PRPF6: variants seen among roughly 807,000 people sequenced by gnomAD.
PRPF6 encodes pre-mRNA-processing factor 6.
Under a neutral mutation model 118.3 loss-of-function variants are expected in PRPF6, and 42 were observed. That is an observed-to-expected ratio of 0.35 (90% CI 0.28 to 0.46). PRPF6 has a LOEUF of 0.46. PRPF6 is among the 20% of genes least tolerant of loss of function. PRPF6 has a pLI of 1.00. For missense variants in PRPF6, 662 were observed against 1,255.7 expected (o/e 0.53, Z 7.15); for synonymous variants, 481 against 485.1 (o/e 0.99, Z 0.11).
intron 5 of PRPF6, 33 bp from the exon 6 acceptor site, chr20:63,995,293 GT>G (rs1361822042): frequency 9.4e-6 from 15 of 1,591,760 alleles, no homozygotes; most frequent in Non-Finnish European, 1.3e-5. Flanking sequence ...GCAAACCGTT[GT>G]TTTATTCTTG....
At chr20:64,013,056 T>C (rs816913) in intron 11 of PRPF6, among the ~76,000 whole-genome samples, 37,591 of 150,804 alleles carry the variant, frequency 0.25, 5,761 homozygotes, top group African/African-American at 0.43. Flanking sequence ...CCTCCACCTC[T>C]TGGGTTCAAG....
At chr20:63,981,647 C>G (rs996334100) in intron 1 of PRPF6, among the ~76,000 whole-genome samples, 3 of 140,116 alleles carry the variant, frequency 2.1e-5, no homozygotes, top group Non-Finnish European at 3.2e-5. Flanking sequence ...TGACACTCCC[C>G]CCCCCCGCCC....
intron 12 of PRPF6, among the ~76,000 whole-genome samples, chr20:64,018,068 C>A (rs532475631): frequency 3.0e-4 from 46 of 152,166 alleles, no homozygotes; most frequent in Non-Finnish European, 3.8e-4. Flanking sequence ...TGGTGGTGCA[C>A]GCTTGTAGTC....
Position 64,001,176 on chromosome 20 carries a change from A to T in PRPF6, c.1123A>T (p.Ile375Phe). 6.2e-7 allele frequency: 1 copy of T among 1,614,168 alleles called. No individual in the cohort carries two copies. Among genetic ancestry groups the T allele is most frequent in the Non-Finnish European group, 8.5e-7 (1 of 1,180,016 alleles). ...CCGTCATCTCCCACAGTCTGTCAGG[A>T]TTTACATCAGAGCCGCAGAGCTGGA... ...AVRHLPQSVR[I>F]YIRAAELETD... Residue 375 changes from isoleucine to phenylalanine, a missense_variant, in exon 9 of 21, where the codon ATT becomes TTT. Around this residue, in one of 10 missense-constraint regions of PRPF6, gnomAD observed 189 missense variants for 323.5 expected, o/e 0.58. Coordinates refer to ENST00000266079, the MANE Select transcript of PRPF6 (RefSeq NM_012469.4).
chr20:63,992,175 T>A (rs1333247685), intron 3 of PRPF6, among the ~76,000 whole-genome samples: 1 of 152,184 alleles, frequency 6.6e-6, no homozygotes, highest in East Asian at 1.9e-4. Context: ...AACCTCCACT[T>A]CCTGGATTCA....
In PRPF6 at chr20:64,027,371, CAG is replaced by C. The variant is rs1216456469; in HGVS notation, c.2205+216_2205+217del. Among the ~76,000 whole-genome samples, 5 of 152,194 alleles carry C rather than the reference CAG, an allele frequency of 3.3e-5. No individual in the cohort carries two copies. The highest frequency in any genetic ancestry group is 5.9e-5 in the Non-Finnish European group (4 of 68,034). ...AAGCTGCACACACTGCTCAGAAGTG[CAG>C]AGTGTGGCACACCTGCAGTAAAGGC... On this transcript the variant is annotated intron_variant, in intron 16 of 20. Coordinates refer to ENST00000266079, the MANE Select transcript of PRPF6 (RefSeq NM_012469.4). The surrounding 1 kb of genome is among the most constrained non-coding windows in gnomAD (Gnocchi z 6.5).
chr20:63,983,652 C>CTT (rs746804694), intron 2 of PRPF6, among the ~76,000 whole-genome samples: 11 of 111,108 alleles, frequency 9.9e-5, no homozygotes, highest in South Asian at 3.1e-4. Flanking sequence ...ATTGGCCAGT[C>CTT]TTTTTTTTTT....
chr20:63,989,950 CT>C (rs1400711201), intron 3 of PRPF6, among the ~76,000 whole-genome samples: 5 of 150,934 alleles, frequency 3.3e-5, no homozygotes, highest in African/African-American at 1.2e-4. Context: ...GTCTCCCAGG[CT>C]CAAGTGATTC....
At position 63,987,714 on chromosome 20, in the gene PRPF6, T is replaced by C. The variant is rs1333327995; in HGVS notation, c.359+2689T>C. Reference sequence around the variant, plus strand: ...CTTATATTTAGAAAACCCTAAAGACTCTACCAAAACACTATTGGAACTGAC... The same window carrying C: ...CTTATATTTAGAAAACCCTAAAGACCCTACCAAAACACTATTGGAACTGAC... On this transcript the variant is annotated intron_variant, in intron 3 of 20. Coordinates refer to ENST00000266079, the MANE Select transcript of PRPF6 (RefSeq NM_012469.4). 2.0e-5 allele frequency among the ~76,000 whole-genome samples: 3 copies of C among 152,300 alleles called. No individual in the cohort carries two copies. In the East Asian group the frequency reaches 5.8e-4, roughly 29 times the overall value.
chr20:63,998,141 C>T (rs764439675), intron 6 of PRPF6, among the ~76,000 whole-genome samples: 34 of 152,128 alleles, frequency 2.2e-4, no homozygotes, highest in Non-Finnish European at 4.1e-4. Context: ...GTCACCCAGG[C>T]TGGAGGGCAG....
intron 20 of PRPF6, 30 bp from the exon 21 acceptor site, chr20:64,032,811 C>G (rs780762314): frequency 9.4e-6 from 15 of 1,587,578 alleles, no homozygotes; most frequent in Non-Finnish European, 1.1e-5. Context: ...TGGGAGGACC[C>G]CTGCCTGACG....
At chr20:63,988,123 C>G (rs1046321671) in intron 3 of PRPF6, among the ~76,000 whole-genome samples, 2 of 152,026 alleles carry the variant, frequency 1.3e-5, no homozygotes, top group African/African-American at 4.8e-5. Flanking sequence ...AGTTTGAGAC[C>G]AGGCTGACCA....
At chr20:64,008,417 GT>G (rs2059200005) in intron 9 of PRPF6, among the ~76,000 whole-genome samples, 1 of 151,800 alleles carries the variant, frequency 6.6e-6, no homozygotes, top group Admixed American at 6.6e-5. Context: ...AGTAAGCTTT[GT>G]GTTTTTTTTT....
At chr20:64,010,164 T>C in intron 9 of PRPF6, 36 bp from the exon 10 acceptor site, 1 of 1,570,796 alleles carries the variant, frequency 6.4e-7, no homozygotes, top group African/African-American at 1.3e-5. Flanking sequence ...TTTATCTCCT[T>C]TTCTGTGACG....
At chr20:64,013,914 A>G (rs1381550765) in intron 11 of PRPF6, among the ~76,000 whole-genome samples, 1 of 150,536 alleles carries the variant, frequency 6.6e-6, no homozygotes, top group African/African-American at 2.4e-5. Context: ...CCATTTTCAT[A>G]CCTCTGTAGC....
chr20:64,027,247 TGAG>T lies in PRPF6; in HGVS notation c.2205+93_2205+95del, dbSNP rs2059295219. ...GTGCAGGGTCATTGCCCTTCGCCTC[TGAG>T]GAGATGTGGAGGGCTGGGGGTTACA... On this transcript the variant is annotated intron_variant, in intron 16 of 20. Coordinates refer to ENST00000266079, the MANE Select transcript of PRPF6 (RefSeq NM_012469.4). The surrounding 1 kb of genome is among the most constrained non-coding windows in gnomAD (Gnocchi z 6.5). The T allele has an allele frequency of 1.3e-6, 2 of 1,504,986 alleles. No individual in the cohort carries two copies. The highest frequency in any genetic ancestry group is 1.9e-5 in the Admixed American group (1 of 53,168). The allele number at this position is 1,504,986 out of a possible 1,614,324, so 93.2% of individuals were successfully genotyped here.
intron 12 of PRPF6, among the ~76,000 whole-genome samples, chr20:64,018,474 G>A (rs923912051): frequency 6.6e-6 from 1 of 152,086 alleles, no homozygotes; most frequent in Non-Finnish European, 1.5e-5. Flanking sequence ...CGTCTGGTGC[G>A]GGCAGTGGCC....
rs1379261732 is a variant in PRPF6, at chr20:64,029,631, C to T, written c.2546+140C>T. ...CCCCGATCCTCGGCTGCCGTCGCTC[C>T]TGCTGTGGTCTGGGGCAGGCGCCTC... On this transcript the variant is annotated intron_variant, in intron 19 of 20. Transcript: ENST00000266079. The surrounding 1 kb of genome is among the most constrained non-coding windows in gnomAD (Gnocchi z 4.8). The T allele has an allele frequency of 1.6e-5, 12 of 753,032 alleles. No individual in the cohort carries two copies. The South Asian group carries it at 1.9e-4, about 12-fold the overall frequency. The allele number at this position is 753,032 out of a possible 1,614,324, so 46.6% of individuals were successfully genotyped here. A position where few individuals can be genotyped will look rare whatever the true frequency, so the allele number is the denominator to read the frequency against.
In PRPF6 at chr20:63,999,750, G is replaced by T. The variant is rs757693374; in HGVS notation, c.1014G>T (p.Met338Ile). 1.2e-6 allele frequency: 2 copies of T among 1,614,160 alleles called. No homozygotes were observed. Among genetic ancestry groups the T allele is most frequent in the Non-Finnish European group, 1.7e-6 (2 of 1,180,016 alleles). ...ACCTTATCATGAAGGGGACGGAGAT[G>T]TGCCCCAAGGTGAGGTATTTCCTGG... ...ARNLIMKGTEMCPKSEDVWLE... is the reference protein window; with the variant it reads ...ARNLIMKGTEICPKSEDVWLE... Residue 338 changes from methionine to isoleucine, a missense_variant, in exon 8 of 21, where the codon ATG becomes ATT. Physicochemically the swap from Met to Ile is conservative, Grantham distance 10. Coordinates refer to ENST00000266079, the MANE Select transcript of PRPF6 (RefSeq NM_012469.4).
Sources: gnomAD v4.1 joint callset for allele counts (sites outside exome capture counted in the v4.1 genomes callset) on GRCh38, gnomAD v4.1.1 for gene constraint, gnomAD v4.1.1 regional missense constraint, Gnocchi (gnomAD v3.1) non-coding constraint, MANE v1.5 for transcripts, NCBI Gene and HGNC (gene_info 2026-07-23, HGNC 2026-07-21) for gene names.